The following WDPCP variants were observed in gnomAD, a reference collection of about 807,000 sequenced individuals.
The protein encoded by WDPCP is WD repeat-containing and planar cell polarity effector protein fritz homolog.
In WDPCP, 71 loss-of-function variants were observed where a neutral mutation model predicts 93.1. The observed-to-expected ratio is 0.76, with a 90% confidence interval of 0.63 to 0.93. The LOEUF (loss-of-function observed/expected upper bound fraction) is 0.93, where lower values mean the gene tolerates loss of function less well. Ranked by LOEUF, WDPCP falls within the 40% of genes least tolerant of loss-of-function variation. The pLI is 0.00. For synonymous variants in WDPCP, 315 were observed against 315.0 expected (o/e 1.00, Z 0.00); for missense variants, 844 against 887.4 (o/e 0.95, Z 0.62).
chr2:63,210,935 A>G lies in WDPCP; in HGVS notation c.1916-36103T>C, dbSNP rs1219284851. ...GGACACCCGCCATTGCTGAGGCTTG[A>G]CTAGGTAAACAAAGCAGCCAGGAAG... On this transcript the variant is annotated intron_variant, in intron 14 of 17. Transcript: ENST00000272321. Among the ~76,000 whole-genome samples, 4 of 152,308 alleles carry G rather than the reference A, an allele frequency of 2.6e-5. No individual in the cohort carries two copies. In the East Asian group the frequency reaches 7.7e-4, roughly 29 times the overall value.
intron 3 of WDPCP, among the ~76,000 whole-genome samples, chr2:63,644,241 TAC>T (rs1427944508): frequency 3.3e-5 from 4 of 119,520 alleles, no homozygotes; most frequent in Non-Finnish European, 4.9e-5. Context: ...CTTTCTCCTC[TAC>T]TTTTTTTTTT....
chr2:63,220,402 G>A (rs1215668140), intron 14 of WDPCP, among the ~76,000 whole-genome samples: 1 of 152,172 alleles, frequency 6.6e-6, no homozygotes, highest in Non-Finnish European at 1.5e-5. Flanking sequence ...TTACATCTGT[G>A]ACCCTGAATG....
chr2:63,606,149 A>C, intron 3 of WDPCP: 1 of 935,452 alleles, frequency 1.1e-6, no homozygotes, highest in South Asian at 1.4e-5. Flanking sequence ...TGGAAGGGCA[A>C]GGTGGCAAGA....
intron 2 of WDPCP, among the ~76,000 whole-genome samples, chr2:63,771,042 T>G (rs1223511697): frequency 6.6e-6 from 1 of 151,648 alleles, no homozygotes; most frequent in Non-Finnish European, 1.5e-5. Flanking sequence ...TTTTTCACAT[T>G]TTTAACCTGT....
intron 2 of WDPCP, among the ~76,000 whole-genome samples, chr2:63,690,787 A>T (rs1668877643): frequency 6.6e-6 from 1 of 152,014 alleles, no homozygotes; most frequent in East Asian, 1.9e-4. Flanking sequence ...CCCACAAAAA[A>T]CTTCAAGCAG....
At chr2:63,158,833 A>G (rs142973012) in intron 15 of WDPCP, among the ~76,000 whole-genome samples, 18 of 152,056 alleles carry the variant, frequency 1.2e-4, no homozygotes, top group Admixed American at 3.3e-4. Context: ...AAACCTATCA[A>G]TGAGTTAAAA....
chr2:63,597,783 A>AT, intron 3 of WDPCP: 1 of 363,438 alleles, frequency 2.8e-6, no homozygotes, highest in Admixed American at 4.7e-5. Context: ...GCTCAAAAAT[A>AT]TTTTTCCTAT....
intron 7 of WDPCP, chr2:63,438,035 T>C (rs1558635449): frequency 3.7e-5 from 47 of 1,264,298 alleles, no homozygotes; most frequent in Non-Finnish European, 4.1e-5. Context: ...TTTAGGGGTA[T>C]ACAAGCTGGA....
intron 6 of WDPCP, among the ~76,000 whole-genome samples, chr2:63,460,507 C>T (rs1345841892): frequency 6.6e-6 from 1 of 151,932 alleles, no homozygotes; most frequent in African/African-American, 2.4e-5. Flanking sequence ...AAAATACTAC[C>T]CACTCAAGTT....
intron 6 of WDPCP, among the ~76,000 whole-genome samples, chr2:63,459,690 C>A (rs1488867941): frequency 6.6e-6 from 1 of 152,034 alleles, no homozygotes. Context: ...CTGAGGCAGG[C>A]AGATCACCGG....
At chr2:63,558,813 C>T (rs1271252309) in intron 1 of WDPCP, among the ~76,000 whole-genome samples, 1 of 152,120 alleles carries the variant, frequency 6.6e-6, no homozygotes, top group Non-Finnish European at 1.5e-5. Flanking sequence ...CAAAAAAACG[C>T]CAGGACCAAA....
At chr2:63,362,277 T>TTGTGTGTGTGTGTGTG (rs140044354) in intron 12 of WDPCP, among the ~76,000 whole-genome samples, 1,342 of 94,026 alleles carry the variant, frequency 0.014, 19 homozygotes, top group Non-Finnish European at 0.017. Flanking sequence ...TTTTTTTTGG[T>TTGTGTGTGTGTGTGTG]TGTGTGTGTG....
chr2:63,586,220 G>C (rs970098119), intron 1 of WDPCP, among the ~76,000 whole-genome samples: 1 of 152,166 alleles, frequency 6.6e-6, no homozygotes, highest in Admixed American at 6.5e-5. Flanking sequence ...CTATTTCAGA[G>C]ATTTGAAACT....
At chr2:63,469,941 C>T (rs1699596897) in intron 6 of WDPCP, among the ~76,000 whole-genome samples, 1 of 152,208 alleles carries the variant, frequency 6.6e-6, no homozygotes, top group South Asian at 2.1e-4. Flanking sequence ...GACCTGCATG[C>T]TCCTCCATGC....
At chr2:63,727,457 G>T (rs940976839) in intron 2 of WDPCP, among the ~76,000 whole-genome samples, 4 of 152,082 alleles carry the variant, frequency 2.6e-5, no homozygotes, top group African/African-American at 9.7e-5. Flanking sequence ...CTGGTATTTT[G>T]TTGAGGAGTT....
intron 6 of WDPCP, among the ~76,000 whole-genome samples, chr2:63,456,355 T>G (rs1383538100): frequency 6.6e-6 from 1 of 152,110 alleles, no homozygotes. Context: ...AGGCAGTGGT[T>G]GCAGTGAGCC....
In WDPCP at chr2:63,149,191, G is replaced by A. The variant is rs56376851; in HGVS notation, c.2190+3723C>T. 7.8e-3 allele frequency among the ~76,000 whole-genome samples: 1,190 copies of A among 152,040 alleles called. 5 individuals are homozygous for A. The highest frequency in any genetic ancestry group is 0.013 in the Non-Finnish European group (862 of 67,986). On this transcript the variant is annotated intron_variant, in intron 17 of 17. Coordinates refer to ENST00000272321, the MANE Select transcript of WDPCP (RefSeq NM_015910.7). ...GTGAGAAAAAGGCAAAGAACTCAGTGGAAAAATGAGTAAAACATAGGAATA... is the reference window on the plus strand; with the variant it reads ...GTGAGAAAAAGGCAAAGAACTCAGTAGAAAAATGAGTAAAACATAGGAATA...
intron 15 of WDPCP, among the ~76,000 whole-genome samples, chr2:63,164,390 C>T (rs1672822637): frequency 6.6e-6 from 1 of 152,092 alleles, no homozygotes; most frequent in African/African-American, 2.4e-5. Context: ...TCATGAATGG[C>T]TTAGCACTGT....
At chr2:63,790,452 A>C (rs78420281) in intron 2 of WDPCP, among the ~76,000 whole-genome samples, 1,869 of 152,330 alleles carry the variant, frequency 0.012, 17 homozygotes, top group Non-Finnish European at 0.015. Flanking sequence ...CAGGTGCACA[A>C]GTGGATCTTG....
Sources: allele counts gnomAD v4.1 joint callset (sites outside exome capture counted in the v4.1 genomes callset), GRCh38; gene constraint gnomAD v4.1.1; transcripts MANE v1.5; gene names NCBI Gene and HGNC (gene_info 2026-07-23, HGNC 2026-07-21).